CCDC7: variants seen among roughly 807,000 people sequenced by gnomAD.
CCDC7 encodes the protein coiled-coil domain-containing protein 7.
A neutral mutation model predicts 196.9 loss-of-function variants in CCDC7; 183 were observed. That is an observed-to-expected ratio of 0.93 (90% CI 0.82 to 1.05). CCDC7 has a LOEUF of 1.05. Among genes scored for constraint, CCDC7 ranks in the 50% least tolerant of loss-of-function variants. The pLI, the probability that CCDC7 is intolerant of heterozygous loss-of-function variation, is 0.00. For missense variants in CCDC7, 1,540 were observed against 1,482.2 expected (o/e 1.04, Z -0.64); for synonymous variants, 525 against 484.6 (o/e 1.08, Z -1.10).
intron 32 of CCDC7, among the ~76,000 whole-genome samples, chr10:32,831,256 G>C (rs923543948): frequency 1.3e-5 from 2 of 152,292 alleles, no homozygotes; most frequent in Non-Finnish European, 2.9e-5. Flanking sequence ...GTACACCTGT[G>C]TAGAGCACTT....
At chr10:32,548,861 T>C (rs572294037) in intron 13 of CCDC7, among the ~76,000 whole-genome samples, 30 of 152,364 alleles carry the variant, frequency 2.0e-4, no homozygotes, top group African/African-American at 5.5e-4. Context: ...TGAATTGTGC[T>C]GCTATAAACA....
intron 28 of CCDC7, 53 bp from the exon 30 acceptor site, chr10:32,778,924 A>G (rs953602649): frequency 9.2e-5 from 127 of 1,374,360 alleles, no homozygotes; most frequent in Non-Finnish European, 1.2e-4. Flanking sequence ...TAGGTGTTTC[A>G]CAAAATGTTA....
chr10:32,653,422 G>A (rs1305318445), intron 20 of CCDC7, among the ~76,000 whole-genome samples: 2 of 152,104 alleles, frequency 1.3e-5, no homozygotes, highest in Non-Finnish European at 2.9e-5. Flanking sequence ...TCTACACACT[G>A]TGCCACTTCG....
At chr10:32,507,283 G>A (rs1415574977) in intron 9 of CCDC7, among the ~76,000 whole-genome samples, 2 of 151,946 alleles carry the variant, frequency 1.3e-5, no homozygotes, top group Non-Finnish European at 2.9e-5. Flanking sequence ...GAGCCACCGC[G>A]CCTGGCCTGT....
At chr10:32,758,545 A>G (rs1373663025) in intron 28 of CCDC7, among the ~76,000 whole-genome samples, 1 of 152,210 alleles carries the variant, frequency 6.6e-6, no homozygotes, top group African/African-American at 2.4e-5. Context: ...ACAAAATTCA[A>G]CACCCCTTCT....
chr10:32,800,998 C>T (rs2084676235), intron 29 of CCDC7, among the ~76,000 whole-genome samples: 1 of 152,212 alleles, frequency 6.6e-6, no homozygotes, highest in South Asian at 2.1e-4. Context: ...CTGTCCATTG[C>T]AGTAACTATG....
intron 31 of CCDC7, among the ~76,000 whole-genome samples, chr10:32,817,530 A>G (rs544957870): frequency 3.0e-4 from 45 of 152,292 alleles, no homozygotes; most frequent in African/African-American, 1.1e-3. Context: ...CAAGACACAT[A>G]ATTGTCAGAT....
chr10:32,519,300 A>T (rs1589450414), intron 11 of CCDC7, among the ~76,000 whole-genome samples: 1 of 152,186 alleles, frequency 6.6e-6, no homozygotes, highest in Non-Finnish European at 1.5e-5. Context: ...TAGTCTGACC[A>T]AGTGTGAGAA....
intron 13 of CCDC7, among the ~76,000 whole-genome samples, chr10:32,563,386 G>A (rs568963858): frequency 6.4e-4 from 98 of 152,200 alleles, no homozygotes; most frequent in Non-Finnish European, 9.4e-4. Flanking sequence ...ATCATGCTAC[G>A]TGACTTCCAA....
At chr10:32,468,068 G>T (rs530571820) in intron 5 of CCDC7, among the ~76,000 whole-genome samples, 3 of 152,142 alleles carry the variant, frequency 2.0e-5, no homozygotes, top group Non-Finnish European at 4.4e-5. Flanking sequence ...GGCTCTTTGG[G>T]CTCTTTTTTG....
intron 29 of CCDC7, among the ~76,000 whole-genome samples, chr10:32,781,221 C>T (rs1432830778): frequency 2.0e-5 from 3 of 152,016 alleles, no homozygotes; most frequent in Non-Finnish European, 2.9e-5. Flanking sequence ...GTGAATATTA[C>T]CAAATATTTA....
At chr10:32,664,461 A>C (rs2072206232) in intron 21 of CCDC7, among the ~76,000 whole-genome samples, 1 of 152,058 alleles carries the variant, frequency 6.6e-6, no homozygotes, top group Non-Finnish European at 1.5e-5. Context: ...TCTCATTTCC[A>C]GCTGAAATGT....
intron 28 of CCDC7, among the ~76,000 whole-genome samples, chr10:32,751,790 C>T (rs2075700054): frequency 6.6e-6 from 1 of 152,032 alleles, no homozygotes; most frequent in African/African-American, 2.4e-5. Flanking sequence ...CTCATTATGA[C>T]ACATCAGTTG....
At chr10:32,866,506 G>T (rs1006547964) in intron 41 of CCDC7, among the ~76,000 whole-genome samples, 12 of 151,368 alleles carry the variant, frequency 7.9e-5, no homozygotes, top group African/African-American at 2.7e-4. Flanking sequence ...GTAGATAAAA[G>T]GAGATTAAAG....
At chr10:32,843,292 A>G (rs2093089296) in intron 33 of CCDC7, among the ~76,000 whole-genome samples, 1 of 151,944 alleles carries the variant, frequency 6.6e-6, no homozygotes, top group African/African-American at 2.4e-5. Flanking sequence ...AATTATAACA[A>G]TGTCTTTTAT....
intron 13 of CCDC7, among the ~76,000 whole-genome samples, chr10:32,560,392 G>T (rs1035743424): frequency 5.3e-5 from 8 of 151,038 alleles, no homozygotes; most frequent in Non-Finnish European, 5.9e-5. Flanking sequence ...AAGTTGAAAT[G>T]AAGGAAAAAA....
chr10:32,659,415 T>C (rs1189860409), intron 20 of CCDC7, among the ~76,000 whole-genome samples: 1 of 152,230 alleles, frequency 6.6e-6, no homozygotes, highest in East Asian at 1.9e-4. Flanking sequence ...ATTTCAGCCT[T>C]CTAAAATTTG....
intron 28 of CCDC7, among the ~76,000 whole-genome samples, chr10:32,733,370 G>A (rs1158286915): frequency 6.6e-6 from 1 of 151,996 alleles, no homozygotes; most frequent in Non-Finnish European, 1.5e-5. Context: ...TGGATTAAAA[G>A]CATCTTTTTT....
At chr10:32,476,166 C>T (rs2038931161) in intron 8 of CCDC7, among the ~76,000 whole-genome samples, 2 of 152,136 alleles carry the variant, frequency 1.3e-5, no homozygotes, top group Admixed American at 1.3e-4. Context: ...TACAGTGTCA[C>T]AGAATAGTTT....
Sources: allele counts gnomAD v4.1 joint callset (sites outside exome capture counted in the v4.1 genomes callset), GRCh38; gene constraint gnomAD v4.1.1; transcripts MANE v1.5; gene names NCBI Gene and HGNC (gene_info 2026-07-23, HGNC 2026-07-21).